The following LPP variants were observed in gnomAD, a reference collection of about 807,000 sequenced individuals.
LPP encodes the protein lipoma-preferred partner.
A neutral mutation model predicts 60.4 loss-of-function variants in LPP; 38 were observed. That is an observed-to-expected ratio of 0.63 (90% confidence interval 0.49 to 0.83). The LOEUF is 0.83. Ranked by LOEUF, LPP falls within the 40% of genes least tolerant of loss-of-function variation. The probability of loss-of-function intolerance (pLI) is 0.00; values close to 1 mark genes in which losing one functional copy is unlikely to be tolerated. For synonymous variants in LPP, 328 were observed against 290.8 expected, an observed-to-expected ratio of 1.13 and a Z score of -1.30; for missense variants, 902 against 783.6, an observed-to-expected ratio of 1.15 and a Z score of -1.80.
intron 7 of LPP, among the ~76,000 whole-genome samples, chr3:188,660,845 A>G (rs1391294945): frequency 1.3e-5 from 2 of 152,188 alleles, no homozygotes; most frequent in African/African-American, 2.4e-5. Flanking sequence ...ACATTGTCAC[A>G]TAATTGTCAC....
intron 10 of LPP, among the ~76,000 whole-genome samples, chr3:188,871,902 T>C (rs1226256082): frequency 6.6e-6 from 1 of 152,190 alleles, no homozygotes; most frequent in Non-Finnish European, 1.5e-5. Context: ...CAAAAACATA[T>C]GCATATGCAT....
chr3:188,378,790 A>G (rs1214149587), intron 3 of LPP, among the ~76,000 whole-genome samples: 3 of 152,116 alleles, frequency 2.0e-5, no homozygotes, highest in African/African-American at 7.2e-5. Context: ...GAAATCACCC[A>G]TCTTCTGCGT....
chr3:188,732,680 T>G (rs115021618), intron 8 of LPP, among the ~76,000 whole-genome samples: 2,008 of 135,098 alleles, frequency 0.015, 53 homozygotes, highest in African/African-American at 0.052. Context: ...ATCACACCAC[T>G]GTGTTCCAGC....
intron 9 of LPP, among the ~76,000 whole-genome samples, chr3:188,835,545 G>A (rs1758243152): frequency 6.6e-6 from 1 of 152,060 alleles, no homozygotes; most frequent in Non-Finnish European, 1.5e-5. Context: ...CTCGAACCCG[G>A]GAGGTGGAGG....
chr3:188,617,688 A>G (rs570964488), intron 7 of LPP, among the ~76,000 whole-genome samples: 1 of 152,186 alleles, frequency 6.6e-6, no homozygotes. Flanking sequence ...TATTTTACTT[A>G]TCTAATCATT....
chr3:188,850,709 A>G (rs1417524927), intron 9 of LPP, among the ~76,000 whole-genome samples: 1 of 152,212 alleles, frequency 6.6e-6, no homozygotes, highest in Admixed American at 6.5e-5. Context: ...AGGACCACAG[A>G]AAAGTAAATG....
At chr3:188,370,127 C>T (rs567049119) in intron 3 of LPP, among the ~76,000 whole-genome samples, 2 of 152,078 alleles carry the variant, frequency 1.3e-5, no homozygotes, top group African/African-American at 2.4e-5. Context: ...GGGGTTTTAC[C>T]GTCTTGGTAT....
chr3:188,767,704 G>A (rs113852021), intron 9 of LPP, among the ~76,000 whole-genome samples: 7 of 152,032 alleles, frequency 4.6e-5, no homozygotes, highest in Non-Finnish European at 7.4e-5. Context: ...ATACATAAGC[G>A]CACTCTTGGG....
chr3:188,577,876 C>T (rs995842077), intron 6 of LPP, among the ~76,000 whole-genome samples: 5 of 149,092 alleles, frequency 3.4e-5, no homozygotes, highest in Non-Finnish European at 7.4e-5. Flanking sequence ...TCTCCCCCTT[C>T]TGTCTTCCTC....
At chr3:188,791,993 T>C (rs1345201151) in intron 9 of LPP, among the ~76,000 whole-genome samples, 1 of 152,150 alleles carries the variant, frequency 6.6e-6, no homozygotes, top group Admixed American at 6.5e-5. Context: ...GGATGAGCTC[T>C]AGTGAGTAAG....
chr3:188,657,876 G>A (rs563654430), intron 7 of LPP, among the ~76,000 whole-genome samples: 7 of 152,164 alleles, frequency 4.6e-5, no homozygotes, highest in Non-Finnish European at 8.8e-5. Context: ...CTCTTACAGC[G>A]TTGGTCCTCT....
intron 8 of LPP, among the ~76,000 whole-genome samples, chr3:188,738,913 A>T (rs1245309943): frequency 6.6e-6 from 1 of 152,140 alleles, no homozygotes; most frequent in African/African-American, 2.4e-5. Flanking sequence ...CTTTAAAAAA[A>T]TACTTTAGGA....
intron 6 of LPP, among the ~76,000 whole-genome samples, chr3:188,551,099 A>G (rs575121848): frequency 1.5e-4 from 23 of 152,266 alleles, no homozygotes; most frequent in African/African-American, 5.1e-4. Context: ...GTCCATTTTC[A>G]CACCGCTGAT....
rs796426706 is a variant in LPP, at chr3:188,485,821, G to GGT, written c.306+1120_306+1121dup. Among the ~76,000 whole-genome samples the GGT allele has an allele frequency of 9.5e-3, 723 of 76,196 alleles. 11 individuals are homozygous for GGT. Among genetic ancestry groups the GGT allele is most frequent in the African/African-American group, 0.029 (681 of 23,558 alleles). The allele number at this position is 76,196 out of a possible 152,430, so 50.0% of individuals were successfully genotyped here. On this transcript the variant is annotated intron_variant, in intron 5 of 11. Coordinates refer to ENST00000617246, the MANE Select transcript of LPP (RefSeq NM_001375462.1). ...CAAAAAAAAAAAAAAAAAATGGAAT[G>GGT]GTGTCTGGTAATTATTTTCAAAATA... is the stretch of plus-strand genomic sequence containing the variant.
At chr3:188,341,510 T>C (rs1763053829) in intron 2 of LPP, among the ~76,000 whole-genome samples, 153 bp from the exon 3 acceptor site, 1 of 152,240 alleles carries the variant, frequency 6.6e-6, no homozygotes, top group Admixed American at 6.5e-5. Flanking sequence ...TCTTCCTGCT[T>C]CTTCATCGGG....
intron 7 of LPP, among the ~76,000 whole-genome samples, chr3:188,687,386 T>A (rs1330708903): frequency 1.3e-5 from 2 of 152,176 alleles, no homozygotes; most frequent in Non-Finnish European, 2.9e-5. Context: ...TGAATTGTGA[T>A]CCCCACATGT....
intron 4 of LPP, among the ~76,000 whole-genome samples, chr3:188,478,832 T>C (rs1263365413): frequency 1.3e-5 from 2 of 152,162 alleles, no homozygotes; most frequent in Non-Finnish European, 2.9e-5. Context: ...CTCGGCTCAC[T>C]GCAACCTCCG....
At chr3:188,625,961 G>A (rs188521662) in intron 7 of LPP, among the ~76,000 whole-genome samples, 1 of 152,110 alleles carries the variant, frequency 6.6e-6, no homozygotes. Flanking sequence ...CTAACAAACC[G>A]AATGGGCCTT....
intron 4 of LPP, among the ~76,000 whole-genome samples, chr3:188,466,834 T>TAG (rs1553906193): frequency 0.079 from 9,930 of 126,094 alleles, 700 homozygotes; most frequent in East Asian, 0.17. Context: ...TATATATATA[T>TAG]ATATATATGC....
Sources: gnomAD v4.1 joint callset for allele counts (sites outside exome capture counted in the v4.1 genomes callset) on GRCh38, gnomAD v4.1.1 for gene constraint, MANE v1.5 for transcripts, NCBI Gene and HGNC (gene_info 2026-07-23, HGNC 2026-07-21) for gene names.